POU2F1: variants seen among roughly 807,000 people sequenced by gnomAD.
POU2F1 encodes POU domain, class 2, transcription factor 1.
Under a neutral mutation model 84.9 loss-of-function variants are expected in POU2F1, and 16 were observed. The ratio of observed to expected loss-of-function variants is 0.19; its 90% confidence interval spans 0.13 to 0.29. The LOEUF (loss-of-function observed/expected upper bound fraction) is 0.29. Among genes scored for constraint, POU2F1 ranks in the 10% least tolerant of loss-of-function variants. The probability of loss-of-function intolerance (pLI) is 1.00; values close to 1 mark genes in which losing one functional copy is unlikely to be tolerated. For synonymous variants in POU2F1, 368 were observed against 368.3 expected (o/e 1.00, Z 0.01); for missense variants, 738 against 942.6 (o/e 0.78, Z 2.84).
intron 13 of POU2F1, among the ~76,000 whole-genome samples, chr1:167,406,868 TAAAG>T (rs59838156): frequency 6.6e-6 from 1 of 152,180 alleles, no homozygotes; most frequent in East Asian, 1.9e-4. Context: ...GAAGTCTAAA[TAAAG>T]AGACATTTCA....
intron 1 of POU2F1, among the ~76,000 whole-genome samples, chr1:167,322,609 T>C (rs1157229270): frequency 1.3e-5 from 2 of 152,216 alleles, no homozygotes; most frequent in African/African-American, 4.8e-5. Context: ...TGGGCGCTAC[T>C]TGCCGAGACC....
chr1:167,277,498 T>TAAAA (rs34080201), intron 1 of POU2F1, among the ~76,000 whole-genome samples: 1 of 135,584 alleles, frequency 7.4e-6, no homozygotes, highest in African/African-American at 2.7e-5. Context: ...CCTGGCTAAT[T>TAAAA]AAAAAAAAAA....
chr1:167,228,933 G>A (rs984239447), intron 1 of POU2F1, among the ~76,000 whole-genome samples: 1 of 152,050 alleles, frequency 6.6e-6, no homozygotes, highest in Admixed American at 6.6e-5. Flanking sequence ...TCAGGCAAGC[G>A]TTACTATACC....
intron 2 of POU2F1, among the ~76,000 whole-genome samples, chr1:167,347,130 C>T (rs1195001627): frequency 6.6e-6 from 1 of 152,056 alleles, no homozygotes; most frequent in African/African-American, 2.4e-5. Context: ...TATAGGGTGT[C>T]GGAAATTTAG....
At chr1:167,332,353 C>T (rs772786747) in intron 1 of POU2F1, 117 bp from the exon 2 acceptor site, 1 of 680,842 alleles carries the variant, frequency 1.5e-6, no homozygotes, top group Non-Finnish European at 2.5e-6. Context: ...ACTGGGTCTT[C>T]TTAAACTATA....
At chr1:167,347,063 T>G (rs1658252991) in intron 2 of POU2F1, among the ~76,000 whole-genome samples, 1 of 152,212 alleles carries the variant, frequency 6.6e-6, no homozygotes, top group Non-Finnish European at 1.5e-5. Context: ...TCATTTGGAA[T>G]TTGTCCTTGC....
At chr1:167,332,175 G>A (rs1657119452) in intron 1 of POU2F1, among the ~76,000 whole-genome samples, 2 of 151,872 alleles carry the variant, frequency 1.3e-5, no homozygotes, top group Admixed American at 6.6e-5. Context: ...TACATATCAG[G>A]CTTTCTAATT....
intron 1 of POU2F1, chr1:167,329,423 T>C: frequency 8.1e-7 from 1 of 1,237,470 alleles, no homozygotes; most frequent in Non-Finnish European, 1.1e-6. Context: ...AGGGGGAGAG[T>C]TGGACTGAGC....
chr1:167,352,522 G>C (rs1029029777), intron 2 of POU2F1, among the ~76,000 whole-genome samples: 5 of 152,204 alleles, frequency 3.3e-5, no homozygotes, highest in Non-Finnish European at 7.3e-5. Flanking sequence ...TTGGGAGAGA[G>C]TTGAGGCAGG....
At chr1:167,399,751 G>A (rs1571444864) in intron 12 of POU2F1, among the ~76,000 whole-genome samples, 1 of 152,064 alleles carries the variant, frequency 6.6e-6, no homozygotes, top group Non-Finnish European at 1.5e-5. Context: ...TTGGCTCACT[G>A]CAACCTCCGC....
chr1:167,359,663 G>A (rs1186337206), intron 2 of POU2F1, among the ~76,000 whole-genome samples: 4 of 152,168 alleles, frequency 2.6e-5, no homozygotes, highest in African/African-American at 9.7e-5. Context: ...TGTCTTTTGG[G>A]TAGAACGATT....
chr1:167,228,529 G>A (rs1288092729), intron 1 of POU2F1, among the ~76,000 whole-genome samples: 1 of 152,174 alleles, frequency 6.6e-6, no homozygotes, highest in Non-Finnish European at 1.5e-5. Context: ...TTCTTACCTG[G>A]CCTTTACAGT....
intron 15 of POU2F1, 69 bp downstream of exon 15, chr1:167,413,183 G>A (rs1407666848): frequency 9.7e-6 from 13 of 1,334,646 alleles, no homozygotes; most frequent in Non-Finnish European, 1.4e-5. Flanking sequence ...GTGTGTGTGT[G>A]TGTGTGCTTG....
In POU2F1 at chr1:167,396,336, A is replaced by G; in HGVS notation, c.1038A>G (p.Gln346=). The change falls in exon 10 of 16, where the codon CAA becomes CAG. Residue 346 remains glutamine (Q), a synonymous_variant. Coordinates refer to ENST00000367866, the MANE Select transcript of POU2F1 (RefSeq NM_002697.4). Reference sequence around the variant, plus strand: ...AACTATATGGAAATGACTTCAGCCAAACTACCATCTCTCGATTTGAAGCCT... The same window carrying G: ...AACTATATGGAAATGACTTCAGCCAGACTACCATCTCTCGATTTGAAGCCT... The part of the protein sequence containing the change: ...MGKLYGNDFS[Q]TTISRFEALN... The G allele has an allele frequency of 1.2e-6, 2 of 1,614,132 alleles. No individual in the cohort carries two copies. The highest frequency in any genetic ancestry group is 1.7e-6 in the Non-Finnish European group (2 of 1,179,972).
At chr1:167,249,205 C>A (rs1168217279) in intron 1 of POU2F1, among the ~76,000 whole-genome samples, 1 of 152,098 alleles carries the variant, frequency 6.6e-6, no homozygotes, top group Non-Finnish European at 1.5e-5. Flanking sequence ...CCCTAGTAAC[C>A]AGCCCTCTTA....
chr1:167,369,123 TG>T, intron 3 of POU2F1, among the ~76,000 whole-genome samples: 1 of 152,210 alleles, frequency 6.6e-6, no homozygotes, highest in East Asian at 1.9e-4. Context: ...AGTCTTTCTT[TG>T]TTTCAGGACA....
chr1:167,383,760 C>A (rs1287278418), intron 7 of POU2F1, 97 bp from the exon 8 acceptor site: 3 of 1,054,976 alleles, frequency 2.8e-6, no homozygotes, highest in Non-Finnish European at 4.2e-6. Context: ...CAGAGATCAA[C>A]TGGAAATTTT....
At chr1:167,283,386 T>C (rs534804715) in intron 1 of POU2F1, among the ~76,000 whole-genome samples, 6 of 152,310 alleles carry the variant, frequency 3.9e-5, no homozygotes, top group Admixed American at 3.9e-4. Flanking sequence ...TATAATTTTC[T>C]TAACAGAAAA....
intron 2 of POU2F1, among the ~76,000 whole-genome samples, chr1:167,343,599 G>A (rs1007726440): frequency 7.1e-6 from 1 of 140,428 alleles, no homozygotes; most frequent in African/African-American, 2.6e-5. Flanking sequence ...TAACATCCTG[G>A]CATAGAGCAA....
Sources: allele counts gnomAD v4.1 joint callset (sites outside exome capture counted in the v4.1 genomes callset), GRCh38; gene constraint gnomAD v4.1.1; transcripts MANE v1.5; gene names NCBI Gene and HGNC (gene_info 2026-07-23, HGNC 2026-07-21).